PRR29: variants seen among roughly 807,000 people sequenced by gnomAD.
PRR29 encodes the protein proline-rich protein 29.
A neutral mutation model predicts 25.1 loss-of-function variants in PRR29; 20 were observed. The ratio of observed to expected loss-of-function variants is 0.80; its 90% CI spans 0.56 to 1.16. The LOEUF (loss-of-function observed/expected upper bound fraction) is 1.16, where lower values mean the gene tolerates loss of function less well. Ranked by LOEUF, PRR29 falls within the 50% of genes most tolerant of loss-of-function variation. The pLI, the probability that PRR29 is intolerant of heterozygous loss-of-function variation, is 0.00. For synonymous variants in PRR29, 108 were observed against 102.6 expected (o/e 1.05, Z -0.32); for missense variants, 238 against 246.6 (o/e 0.97, Z 0.23).
At position 64,000,945 on chromosome 17, in the gene PRR29, C is replaced by T. The variant is rs1321055468; in HGVS notation, c.244-139C>T. ...CCTCCCACAGTGCTGGGATTACAGG[C>T]GTGAGCCACCATGCCTGGCCACAAG... On this transcript the variant is annotated intron_variant, in intron 3 of 5. Transcript: ENST00000412177. 4.6e-5 allele frequency: 34 copies of T among 742,568 alleles called. No homozygotes were observed. The Admixed American group carries it at 4.8e-4, about 10-fold the overall frequency. 46.0% of individuals were successfully genotyped at this position (742,568 alleles called of 1,614,324 possible). A position where few individuals can be genotyped will look rare whatever the true frequency, so the allele number is the denominator to read the frequency against.
At position 64,002,765 on chromosome 17, in the gene PRR29, G is replaced by A. The variant is rs1416440052; in HGVS notation, c.*1004G>A. Reference sequence around the variant, plus strand: ...ATGGTTGCTATGGCCGGAAGGCCTGGGGCAGCCTCCTCCAAGCCGCTCGCA... The same window carrying A: ...ATGGTTGCTATGGCCGGAAGGCCTGAGGCAGCCTCCTCCAAGCCGCTCGCA... On this transcript the variant is annotated 3_prime_UTR_variant, in exon 6 of 6. Coordinates refer to ENST00000412177, the MANE Select transcript of PRR29 (RefSeq NM_001164257.2). 6.2e-7 allele frequency: 1 copy of A among 1,612,010 alleles called. No homozygotes were observed. Among genetic ancestry groups the A allele is most frequent in the East Asian group, 2.2e-5 (1 of 44,884 alleles).
In PRR29 at chr17:63,998,497, G is replaced by C. The variant is rs922430560; in HGVS notation, c.60+73G>C. 2.1e-6 allele frequency: 3 copies of C among 1,411,958 alleles called. No individual in the cohort carries two copies. In the African/African-American group the frequency reaches 4.3e-5, roughly 20 times the overall value. 87.5% of individuals were successfully genotyped at this position (1,411,958 alleles called of 1,614,324 possible). A position where few individuals can be genotyped will look rare whatever the true frequency, so the allele number is the denominator to read the frequency against. On this transcript the variant is annotated intron_variant, in intron 1 of 5. Coordinates refer to ENST00000412177, the MANE Select transcript of PRR29 (RefSeq NM_001164257.2). ...CAGAGTGGGGAGCTGTCCCTGGAGGGGCCAGATCCTGGAGGGGTGGGGGAC... is the reference window on the plus strand; with the variant it reads ...CAGAGTGGGGAGCTGTCCCTGGAGGCGCCAGATCCTGGAGGGGTGGGGGAC...
chr17:64,001,259 T>C lies in PRR29; in HGVS notation c.419T>C (p.Leu140Ser), dbSNP rs769779778. 1 of 1,537,260 alleles carries C rather than the reference T, an allele frequency of 6.5e-7. No individual in the cohort carries two copies. The highest frequency in any genetic ancestry group is 1.2e-5 in the South Asian group (1 of 84,062). The part of the protein sequence containing the change: ...FFPTPACQPY[L>S]QDVPRIQHCP... ...CCCACCCCTGCTTGTCAGCCCTACT[T>C]GCAGGACGTGCCCAGGATTCAGCAC... The change falls in exon 4 of 6, where the codon TTG becomes TCG. Residue 140 changes from leucine (L) to serine (S), a missense_variant. By Grantham distance (145) the Leu-to-Ser change is moderately radical. Transcript: ENST00000412177.
chr17:64,002,114 G>A lies in PRR29; in HGVS notation c.*353G>A. ...CTCACCCCTCTCTCTGGGATGATGA[G>A]GTCTCCTTCCAGCCTAGTAATGGAG... On this transcript the variant is annotated 3_prime_UTR_variant, in exon 6 of 6. Transcript: ENST00000412177. 1 of 1,016,636 alleles carries A rather than the reference G, an allele frequency of 9.8e-7. No individual in the cohort carries two copies. The highest frequency in any genetic ancestry group is 1.7e-5 in the South Asian group (1 of 60,540). The allele number at this position is 1,016,636 out of a possible 1,614,324, so 63.0% of individuals were successfully genotyped here. A position where few individuals can be genotyped will look rare whatever the true frequency, so the allele number is the denominator to read the frequency against.
Position 63,998,797 on chromosome 17 carries a change from T to TCCCCCCC in PRR29, c.136+21_136+22insCCCCCCC. 2 of 1,062,606 alleles carry TCCCCCCC rather than the reference T, an allele frequency of 1.9e-6. No homozygotes were observed. Among genetic ancestry groups the TCCCCCCC allele is most frequent in the South Asian group, 1.4e-5 (1 of 73,256 alleles). The allele number at this position is 1,062,606 out of a possible 1,614,324, so 65.8% of individuals were successfully genotyped here. ...CGTGAAGGAAGGTGAGACTCCCGGG[T>TCCCCCCC]CCCCCCACCCCACCCCCACCATCAC... On this transcript the variant is annotated intron_variant, in intron 2 of 5. Coordinates refer to ENST00000412177, the MANE Select transcript of PRR29 (RefSeq NM_001164257.2).
In PRR29 at chr17:64,003,656, A is replaced by G. The variant is rs778754242; in HGVS notation, c.*1895A>G. On this transcript the variant is annotated 3_prime_UTR_variant, in exon 6 of 6. Transcript: ENST00000412177. ...GATCCCCCCTCACCATAGATCTCCA[A>G]CATCTTCGGGGCTGAGTGTTTGTGA... The G allele has an allele frequency of 3.1e-6, 5 of 1,613,250 alleles. No homozygotes were observed. Among genetic ancestry groups the G allele is most frequent in the East Asian group, 2.2e-5 (1 of 44,884 alleles).
Position 64,001,796 on chromosome 17 carries a change from C to T in PRR29, c.*35C>T, listed in dbSNP as rs1696340555. 1 of 1,537,140 alleles carries T rather than the reference C, an allele frequency of 6.5e-7. No individual in the cohort carries two copies. Among genetic ancestry groups the T allele is most frequent in the African/African-American group, 1.4e-5 (1 of 73,128 alleles). On this transcript the variant is annotated 3_prime_UTR_variant, in exon 6 of 6. Coordinates refer to ENST00000412177, the MANE Select transcript of PRR29 (RefSeq NM_001164257.2). ...CCGGCCCTGGGAACTGCACCAGCTT[C>T]CTGCTCTGGATACAGCCCCGGAGCC...
rs764412349 is a variant in PRR29 at position 64,002,831 on chromosome 17, G to A, written c.*1070G>A. On this transcript the variant is annotated 3_prime_UTR_variant, in exon 6 of 6. Transcript: ENST00000412177. ...TCCGCTGCTGGCGCAAGTGCTGGCC[G>A]AAGATGAAGCAGAGCAGGACAGATG... is the stretch of plus-strand genomic sequence containing the variant. The A allele has an allele frequency of 3.1e-5, 50 of 1,613,778 alleles. No individual in the cohort carries two copies. Among genetic ancestry groups the A allele is most frequent in the Non-Finnish European group, 4.1e-5 (48 of 1,179,944 alleles).
chr17:63,998,797 TCC>T lies in PRR29; in HGVS notation c.136+20_136+21del. The T allele has an allele frequency of 9.4e-7, 1 of 1,062,598 alleles. No homozygotes were observed. Among genetic ancestry groups the T allele is most frequent in the Non-Finnish European group, 1.3e-6 (1 of 761,698 alleles). The allele number at this position is 1,062,598 out of a possible 1,614,324, so 65.8% of individuals were successfully genotyped here. On this transcript the variant is annotated intron_variant, in intron 2 of 5. Coordinates refer to ENST00000412177, the MANE Select transcript of PRR29 (RefSeq NM_001164257.2). ...CGTGAAGGAAGGTGAGACTCCCGGG[TCC>T]CCCCACCCCACCCCCACCATCACCA...
chr17:64,001,395 T>C (rs1193165528), intron 4 of PRR29, 72 bp from the exon 5 acceptor site: 1 of 1,487,224 alleles, frequency 6.7e-7, no homozygotes, highest in Non-Finnish European at 9.0e-7. Flanking sequence ...TCGGTGGAGA[T>C]AACTTGTGGG....
chr17:64,002,093 C>A lies in PRR29; in HGVS notation c.*332C>A. 2 of 1,160,784 alleles carry A rather than the reference C, an allele frequency of 1.7e-6. No homozygotes were observed. Among genetic ancestry groups the A allele is most frequent in the Non-Finnish European group, 1.2e-6 (1 of 834,152 alleles). 71.9% of individuals were successfully genotyped at this position (1,160,784 alleles called of 1,614,324 possible). On this transcript the variant is annotated 3_prime_UTR_variant, in exon 6 of 6. Transcript: ENST00000412177. ...CAGAGCCCCCACCCTCTCTCCCTCA[C>A]CCCTCTCTCTGGGATGATGAGGTCT...
chr17:64,001,768 A>AC lies in PRR29; in HGVS notation c.*11dup. ...TGCCGAGAGCCTCCTATGAGGACAG[A>AC]CCCCGGCCCTGGGAACTGCACCAGC... On this transcript the variant is annotated 3_prime_UTR_variant, in exon 6 of 6. Coordinates refer to ENST00000412177, the MANE Select transcript of PRR29 (RefSeq NM_001164257.2). 6.5e-7 allele frequency: 1 copy of AC among 1,536,752 alleles called. No homozygotes were observed. Among genetic ancestry groups the AC allele is most frequent in the Non-Finnish European group, 8.7e-7 (1 of 1,146,792 alleles).
chr17:64,001,297 A>G lies in PRR29; in HGVS notation c.457A>G (p.Arg153Gly), dbSNP rs370313357. Residue 153 changes from arginine (R) to glycine (G), a missense_variant, in exon 4 of 6, where the codon AGG becomes GGG. Physicochemically the swap from Arg to Gly is moderately radical, Grantham distance 125 (BLOSUM62 -2). Transcript: ENST00000412177. ...CAGGATTCAGCACTGTCCTGCCTCC[A>G]GGGAAAGGGAGGTGTAAGTGAGGCT... is the stretch of plus-strand genomic sequence containing the variant. ...VPRIQHCPAS[R>G]EREVRAVPPP... The G allele has an allele frequency of 5.2e-6, 8 of 1,535,460 alleles. No homozygotes were observed. The highest frequency in any genetic ancestry group is 1.7e-4 in the Middle Eastern group (1 of 6,000).
chr17:63,999,983 A>T (rs1910521099), intron 3 of PRR29: 1 of 152,600 alleles, frequency 6.6e-6, no homozygotes, highest in Non-Finnish European at 1.5e-5. Flanking sequence ...AATAGTGGGC[A>T]TCCTGAGGTC....
Position 64,003,739 on chromosome 17 carries a change from T to C in PRR29, c.*1978T>C, listed in dbSNP as rs79522450. On this transcript the variant is annotated 3_prime_UTR_variant, in exon 6 of 6. Coordinates refer to ENST00000412177, the MANE Select transcript of PRR29 (RefSeq NM_001164257.2). ...CACAGCCAGGCAGGAGAAGTTGCGG[T>C]GGCCATCCTCTCTGTCAGCCGTGCT... 1.1e-5 allele frequency: 17 copies of C among 1,614,124 alleles called. No homozygotes were observed. In the African/African-American group the frequency reaches 1.3e-4, roughly 13 times the overall value.
chr17:64,002,232 T>C lies in PRR29; in HGVS notation c.*471T>C, dbSNP rs1598012299. ...GGCCCAGAGTGGTCGGGGAGAGACT[T>C]TGCTGGGCAGCGCCCCTGAGCAGAG... On this transcript the variant is annotated 3_prime_UTR_variant, in exon 6 of 6. Transcript: ENST00000412177. 2 of 557,622 alleles carry C rather than the reference T, an allele frequency of 3.6e-6. No homozygotes were observed. Among genetic ancestry groups the C allele is most frequent in the Non-Finnish European group, 3.1e-6 (1 of 318,178 alleles). 34.5% of individuals were successfully genotyped at this position (557,622 alleles called of 1,614,324 possible). A position where few individuals can be genotyped will look rare whatever the true frequency, so the allele number is the denominator to read the frequency against.
At chr17:63,998,813 CCACCATCA>C in intron 2 of PRR29, 31 bp downstream of exon 2, 2 of 1,111,244 alleles carry the variant, frequency 1.8e-6, no homozygotes, top group Non-Finnish European at 2.6e-6. Context: ...CACCCCACCC[CCACCATCA>C]CCACCACTCA....
Position 64,003,298 on chromosome 17 carries a change from C to T in PRR29, c.*1537C>T, listed in dbSNP as rs114333460. ...ACTTCATGCCAGGCTCCCTGTGTGCCGGCCGTCCAGGGTCACCAAGCAGCA... is the reference window on the plus strand; with the variant it reads ...ACTTCATGCCAGGCTCCCTGTGTGCTGGCCGTCCAGGGTCACCAAGCAGCA... On this transcript the variant is annotated 3_prime_UTR_variant, in exon 6 of 6. Coordinates refer to ENST00000412177, the MANE Select transcript of PRR29 (RefSeq NM_001164257.2). 2.4e-4 allele frequency: 101 copies of T among 425,108 alleles called. No individual in the cohort carries two copies. Among genetic ancestry groups the T allele is most frequent in the African/African-American group, 1.9e-3 (93 of 50,252 alleles). The allele number at this position is 425,108 out of a possible 1,614,324, so 26.3% of individuals were successfully genotyped here.
chr17:64,003,158 T>C lies in PRR29; in HGVS notation c.*1397T>C. ...TACCAGCTGGACTTCTGTGTGGCTGTGAGGGCAGATGTCCCCTTGTCAGCA... is the reference window on the plus strand; with the variant it reads ...TACCAGCTGGACTTCTGTGTGGCTGCGAGGGCAGATGTCCCCTTGTCAGCA... On this transcript the variant is annotated 3_prime_UTR_variant, in exon 6 of 6. Transcript: ENST00000412177. The C allele has an allele frequency of 1.9e-6, 1 of 533,942 alleles. No homozygotes were observed. The allele number at this position is 533,942 out of a possible 1,614,324, so 33.1% of individuals were successfully genotyped here.
Sources: gnomAD v4.1 joint callset for allele counts on GRCh38, gnomAD v4.1.1 for gene constraint, MANE v1.5 for transcripts, NCBI Gene and HGNC (gene_info 2026-07-23, HGNC 2026-07-21) for gene names.